The following ABTB3 variants were observed in gnomAD, a reference collection of about 807,000 sequenced individuals.
ABTB3 encodes the protein ankyrin repeat and BTB domain containing 3, also known as ankyrin repeat- and BTB/POZ domain-containing protein 3.
chr12:107,386,831 T>C, the ABTB3 span, among the ~76,000 whole-genome samples: 6 of 151,682 alleles, frequency 4.0e-5, no homozygotes, highest in African/African-American at 1.5e-4. Context: ...ATGTCCTTGA[T>C]AGGTCACAGT....
the ABTB3 span, among the ~76,000 whole-genome samples, chr12:107,610,810 G>A: frequency 2.0e-5 from 3 of 152,144 alleles, no homozygotes; most frequent in South Asian, 4.1e-4. Context: ...CCTAGGAGGC[G>A]ACTCAGAGAT....
chr12:107,610,953 C>T, the ABTB3 span, among the ~76,000 whole-genome samples: 7 of 152,172 alleles, frequency 4.6e-5, no homozygotes, highest in African/African-American at 1.4e-4. Context: ...ATGCAAGTCT[C>T]ACATGGAAAG....
At chr12:107,458,198 C>A in the ABTB3 span, among the ~76,000 whole-genome samples, 1 of 152,190 alleles carries the variant, frequency 6.6e-6, no homozygotes, top group African/African-American at 2.4e-5. Flanking sequence ...GTACTGAGTG[C>A]CTACTGTGTG....
At chr12:107,494,197 A>G in the ABTB3 span, among the ~76,000 whole-genome samples, 1 of 152,150 alleles carries the variant, frequency 6.6e-6, no homozygotes, top group Non-Finnish European at 1.5e-5. Context: ...TGAGCATTGG[A>G]TCCTGAGTCT....
At chr12:107,416,938 A>G in the ABTB3 span, among the ~76,000 whole-genome samples, 1 of 152,130 alleles carries the variant, frequency 6.6e-6, no homozygotes, top group African/African-American at 2.4e-5. Context: ...CAGCCACCCC[A>G]TGTCCTCTTA....
chr12:107,377,506 C>T, the ABTB3 span, among the ~76,000 whole-genome samples: 4 of 151,794 alleles, frequency 2.6e-5, no homozygotes, highest in Non-Finnish European at 5.9e-5. Flanking sequence ...TCTTGGGAAT[C>T]CCAACTTGCC....
At chr12:107,630,648 C>G in the ABTB3 span, among the ~76,000 whole-genome samples, 5 of 152,048 alleles carry the variant, frequency 3.3e-5, no homozygotes, top group Non-Finnish European at 7.4e-5. Flanking sequence ...CATGATGTTG[C>G]CTAGGCGGGC....
At chr12:107,338,072 A>G in the ABTB3 span, among the ~76,000 whole-genome samples, 1 of 152,132 alleles carries the variant, frequency 6.6e-6, no homozygotes. Flanking sequence ...TTTTTTCCCC[A>G]GAACAGTGTG....
At chr12:107,430,388 A>G in the ABTB3 span, among the ~76,000 whole-genome samples, 1 of 152,242 alleles carries the variant, frequency 6.6e-6, no homozygotes, top group African/African-American at 2.4e-5. Context: ...AATGTGTGAA[A>G]AACACCTTTG....
the ABTB3 span, among the ~76,000 whole-genome samples, chr12:107,444,190 C>T: frequency 2.8e-4 from 42 of 152,228 alleles, no homozygotes; most frequent in Non-Finnish European, 4.4e-4. Flanking sequence ...CAGAGCATGG[C>T]GATGAGGTGT....
chr12:107,366,299 C>T, the ABTB3 span, among the ~76,000 whole-genome samples: 1 of 152,258 alleles, frequency 6.6e-6, no homozygotes, highest in Middle Eastern at 3.4e-3. Context: ...AACTATTTTC[C>T]AGAGAAAGCA....
chr12:107,329,095 G>A, the ABTB3 span, among the ~76,000 whole-genome samples: 1 of 152,116 alleles, frequency 6.6e-6, no homozygotes, highest in South Asian at 2.1e-4. Flanking sequence ...TGCCTAGCTG[G>A]GTGGGCTCAG....
At chr12:107,465,097 C>T in the ABTB3 span, among the ~76,000 whole-genome samples, 1 of 152,138 alleles carries the variant, frequency 6.6e-6, no homozygotes, top group Non-Finnish European at 1.5e-5. Context: ...CATGGAGGGC[C>T]TTGGGTGCCA....
the ABTB3 span, among the ~76,000 whole-genome samples, chr12:107,600,746 T>C: frequency 1.3e-5 from 2 of 152,230 alleles, no homozygotes; most frequent in African/African-American, 4.8e-5. Context: ...TGTTGCAGAT[T>C]GCCAACCTGC....
the ABTB3 span, among the ~76,000 whole-genome samples, chr12:107,657,307 C>T: frequency 1.3e-5 from 2 of 152,150 alleles, no homozygotes; most frequent in Non-Finnish European, 2.9e-5. Flanking sequence ...TGGCACAAGG[C>T]CAAGGAGTGG....
chr12:107,657,926 A>T, the ABTB3 span: 3 of 601,102 alleles, frequency 5.0e-6, no homozygotes, highest in Non-Finnish European at 8.8e-6. Context: ...TTAATGGGCA[A>T]CTGGACAACC....
At chr12:107,470,377 C>G in the ABTB3 span, among the ~76,000 whole-genome samples, 1 of 152,040 alleles carries the variant, frequency 6.6e-6, no homozygotes, top group Admixed American at 6.5e-5. Context: ...ATGGTAGGGG[C>G]TCAAAAATAT....
At chr12:107,485,044 T>G in the ABTB3 span, among the ~76,000 whole-genome samples, 1 of 152,162 alleles carries the variant, frequency 6.6e-6, no homozygotes, top group African/African-American at 2.4e-5. Context: ...CCTCCACATA[T>G]GTTCTATCTT....
At chr12:107,527,057 C>T in the ABTB3 span, among the ~76,000 whole-genome samples, 2 of 152,004 alleles carry the variant, frequency 1.3e-5, no homozygotes, top group African/African-American at 4.8e-5. Context: ...CTCAAAGCTC[C>T]CTCGCTTCAT....
Sources: allele counts gnomAD v4.1 joint callset (sites outside exome capture counted in the v4.1 genomes callset), GRCh38; gene constraint gnomAD v4.1.1; transcripts MANE v1.5; gene names NCBI Gene and HGNC (gene_info 2026-07-23, HGNC 2026-07-21).